Variants in TNKS1BP1 observed in about 807,000 individuals in gnomAD.
TNKS1BP1 encodes CCR4-NOT transcription complex subunit 12.
A neutral mutation model predicts 141.1 loss-of-function variants in TNKS1BP1; 48 were observed. That is an observed-to-expected ratio of 0.34 (90% CI 0.27 to 0.43). The LOEUF is 0.43. TNKS1BP1 is among the 20% of genes least tolerant of loss of function. TNKS1BP1 has a pLI of 1.00. For synonymous variants in TNKS1BP1, 875 were observed against 898.2 expected, an observed-to-expected ratio of 0.97 and a Z score of 0.46; for missense variants, 2,149 against 2,226.0, an observed-to-expected ratio of 0.97 and a Z score of 0.70.
rs367627866 is a variant in TNKS1BP1 at position 57,308,780 on chromosome 11, A to C, written c.3931T>G (p.Trp1311Gly). The C allele has an allele frequency of 6.2e-7, 1 of 1,613,940 alleles. No individual in the cohort carries two copies. Among genetic ancestry groups the C allele is most frequent in the East Asian group, 2.2e-5 (1 of 44,874 alleles). ...SKELGVGQMD[W>G]GNNLGLRDLE... is the part of the protein sequence containing the mutation. ...TCCCTCAGGCCCAGATTGTTACCCC[A>C]GTCCATCTGGCCCACCCCAAGCTCT... The change falls in exon 6 of 12, where the codon TGG (tryptophan) becomes GGG (glycine). Residue 1311 changes from tryptophan to glycine, a missense_variant. Physicochemically the swap from Trp to Gly is radical, Grantham distance 184. Coordinates refer to ENST00000358252, the MANE Select transcript of TNKS1BP1 (RefSeq NM_033396.3).
intron 1 of TNKS1BP1, among the ~76,000 whole-genome samples, chr11:57,323,097 TAG>T (rs1185430225): frequency 1.3e-5 from 2 of 152,164 alleles, no homozygotes; most frequent in Admixed American, 1.3e-4. Flanking sequence ...GTACATGAAA[TAG>T]GCTTAGCACA....
intron 6 of TNKS1BP1, among the ~76,000 whole-genome samples, chr11:57,306,896 G>C (rs1437126914): frequency 7.9e-6 from 1 of 127,376 alleles, no homozygotes; most frequent in African/African-American, 2.8e-5. Flanking sequence ...GCAGAGAGCT[G>C]TGGTGGTGGG....
chr11:57,324,841 C>T lies in TNKS1BP1; in HGVS notation c.-67G>A. The T allele has an allele frequency of 1.0e-6, 1 of 985,664 alleles. No individual in the cohort carries two copies. The highest frequency in any genetic ancestry group is 1.2e-6 in the Non-Finnish European group (1 of 829,846). 61.1% of individuals were successfully genotyped at this position (985,664 alleles called of 1,614,324 possible). ...GCCCGACCGCCCCCGCGCACTCACGCGCTCGCCCGGGGTCCGGCTCCGCTC... is the reference window on the plus strand; with the variant it reads ...GCCCGACCGCCCCCGCGCACTCACGTGCTCGCCCGGGGTCCGGCTCCGCTC... On this transcript the variant is annotated splice_region_variant and 5_prime_UTR_variant, in exon 1 of 12. Transcript: ENST00000358252.
chr11:57,306,798 T>G (rs1855618100), intron 6 of TNKS1BP1, among the ~76,000 whole-genome samples: 1 of 149,054 alleles, frequency 6.7e-6, no homozygotes, highest in African/African-American at 2.5e-5. Flanking sequence ...CCCATCACAA[T>G]CCCCGCCCCA....
chr11:57,303,972 T>C (rs1411688289), intron 6 of TNKS1BP1, among the ~76,000 whole-genome samples: 1 of 152,096 alleles, frequency 6.6e-6, no homozygotes, highest in African/African-American at 2.4e-5. Flanking sequence ...CTCCCCAAAA[T>C]GACACATTCA....
rs184197422 is a variant in TNKS1BP1, at chr11:57,311,460, G to A, written c.2155-904C>T. On this transcript the variant is annotated intron_variant, in intron 5 of 11. Coordinates refer to ENST00000358252, the MANE Select transcript of TNKS1BP1 (RefSeq NM_033396.3). ...CTACCCGCGCTGGGACCTGTCCGAC[G>A]GCTCTGGCGCTGGCTCTCCCTCACC... is the stretch of plus-strand genomic sequence containing the variant. 258 of 985,792 alleles carry A rather than the reference G, an allele frequency of 2.6e-4. No homozygotes were observed. The African/African-American group carries it at 3.8e-3, about 14-fold the overall frequency. The allele number at this position is 985,792 out of a possible 1,614,324, so 61.1% of individuals were successfully genotyped here.
intron 5 of TNKS1BP1, chr11:57,311,576 C>CT (rs1350540447): frequency 9.6e-6 from 5 of 520,074 alleles, no homozygotes; most frequent in African/African-American, 2.1e-5. Flanking sequence ...GACACACCTA[C>CT]TACAGGAGTC....
intron 6 of TNKS1BP1, among the ~76,000 whole-genome samples, chr11:57,304,624 C>G (rs1855579207): frequency 6.6e-6 from 1 of 152,178 alleles, no homozygotes; most frequent in Non-Finnish European, 1.5e-5. Flanking sequence ...AATCCCAGCA[C>G]TTTGGGAGGC....
rs775918932 is a variant in TNKS1BP1, at chr11:57,309,420, C to T, written c.3291G>A (p.Gln1097=). 2 of 1,614,156 alleles carry T rather than the reference C, an allele frequency of 1.2e-6. No individual in the cohort carries two copies. Among genetic ancestry groups the T allele is most frequent in the South Asian group, 2.2e-5 (2 of 91,082 alleles). ...VGEFSLSVGP[Q]REAAFSPGQQ... ...GCCCTGGGCTAAATGCTGCCTCTCG[C>T]TGGGGGCCAACACTGAGGCTAAACT... The change falls in exon 6 of 12, where the codon CAG becomes CAA. Residue 1097 remains glutamine, a synonymous_variant. Transcript: ENST00000358252. The surrounding 1 kb of genome is among the most constrained non-coding windows in gnomAD (Gnocchi z 4.3).
Position 57,309,537 on chromosome 11 carries a change from T to A in TNKS1BP1, c.3174A>T (p.Gly1058=). The A allele has an allele frequency of 6.2e-7, 1 of 1,613,518 alleles. No individual in the cohort carries two copies. Among genetic ancestry groups the A allele is most frequent in the Non-Finnish European group, 8.5e-7 (1 of 1,180,022 alleles). Residue 1058 remains glycine, a synonymous_variant, in exon 6 of 12, where the codon GGA becomes GGT. Coordinates refer to ENST00000358252, the MANE Select transcript of TNKS1BP1 (RefSeq NM_033396.3). The surrounding 1 kb of genome is among the most constrained non-coding windows in gnomAD (Gnocchi z 4.3). ...WQNSDASQEV[G]GHQERQQAGA... ...CTGCCTGCTGTCTCTCCTGATGCCC[T>A]CCCACCTCCTGGCTAGCATCACTGT...
intron 1 of TNKS1BP1, 143 bp from the exon 2 acceptor site, chr11:57,322,093 G>T: frequency 9.8e-7 from 1 of 1,023,928 alleles, no homozygotes; most frequent in South Asian, 1.8e-5. Flanking sequence ...GGTAGGAGGA[G>T]GTCAAGGGAG....
At chr11:57,311,518 T>G in intron 5 of TNKS1BP1, 2 of 971,240 alleles carry the variant, frequency 2.1e-6, no homozygotes, top group Non-Finnish European at 2.4e-6. Flanking sequence ...AGCTGCAGCT[T>G]GGGCAGCCCC....
At position 57,303,030 on chromosome 11, in the gene TNKS1BP1, C is replaced by A. The variant is rs532942566; in HGVS notation, c.4317-205G>T. ...CTGAGCCAGTCTGGCAGGTTCAAAT[C>A]CCTGAGACCTCGGGTGAGCCCCCTC... On this transcript the variant is annotated intron_variant, in intron 6 of 11. Coordinates refer to ENST00000358252, the MANE Select transcript of TNKS1BP1 (RefSeq NM_033396.3). 2.1e-5 allele frequency: 11 copies of A among 532,200 alleles called. 1 individual carries two copies. In the Admixed American group the frequency reaches 2.2e-4, roughly 11 times the overall value. The allele number at this position is 532,200 out of a possible 1,614,324, so 33.0% of individuals were successfully genotyped here. A position where few individuals can be genotyped will look rare whatever the true frequency, so the allele number is the denominator to read the frequency against.
At chr11:57,314,285 T>C (rs1176584552) in intron 4 of TNKS1BP1, among the ~76,000 whole-genome samples, 2 of 152,136 alleles carry the variant, frequency 1.3e-5, no homozygotes, top group Non-Finnish European at 2.9e-5. Flanking sequence ...CACCTCAGCA[T>C]GTGGGAGTCG....
chr11:57,317,357 G>C lies in TNKS1BP1; in HGVS notation c.798+461C>G, dbSNP rs116023026. ...CAGCAAAAGGACTCACCCCTCTTCT[G>C]AACTCAGAAAAGGCAGCCCAGCCAG... On this transcript the variant is annotated intron_variant, in intron 4 of 11. Coordinates refer to ENST00000358252, the MANE Select transcript of TNKS1BP1 (RefSeq NM_033396.3). 3.3e-3 allele frequency among the ~76,000 whole-genome samples: 501 copies of C among 152,344 alleles called. 1 individual carries two copies. The highest frequency in any genetic ancestry group is 0.012 in the African/African-American group (483 of 41,580).
At chr11:57,320,023 T>TCCCCCCC in intron 3 of TNKS1BP1, 56 bp downstream of exon 3, 1 of 641,916 alleles carries the variant, frequency 1.6e-6, no homozygotes. Context: ...CCCCACCCAA[T>TCCCCCCC]CCCACCCCAC....
chr11:57,322,182 A>C (rs1855899116), intron 1 of TNKS1BP1: 1 of 1,084,164 alleles, frequency 9.2e-7, no homozygotes, highest in Non-Finnish European at 1.2e-6. Context: ...CTAGCGCTTC[A>C]GGGAGTCACT....
Position 57,309,298 on chromosome 11 carries a change from C to T in TNKS1BP1, c.3413G>A (p.Ser1138Asn). 1 of 1,614,168 alleles carries T rather than the reference C, an allele frequency of 6.2e-7. No homozygotes were observed. The highest frequency in any genetic ancestry group is 1.7e-5 in the Admixed American group (1 of 60,032). The change falls in exon 6 of 12, where the codon AGC (serine) becomes AAC (asparagine). Residue 1138 changes from serine to asparagine, a missense_variant. Transcript: ENST00000358252. This position sits in a 1 kb window ranked among gnomAD's most constrained non-coding sequence, Gnocchi z 4.3. ...GNDRVSGAGFSPSSKMEGGHF... is the reference protein window; with the variant it reads ...GNDRVSGAGFNPSSKMEGGHF... ...ACCACCTTCCATCTTGCTAGAAGGG[C>T]TAAAGCCAGCACCACTCACTCTGTC...
intron 1 of TNKS1BP1, 109 bp from the exon 2 acceptor site, chr11:57,322,059 G>T: frequency 1.1e-5 from 5 of 451,942 alleles, no homozygotes; most frequent in East Asian, 1.0e-4. Flanking sequence ...GACAGGAAGA[G>T]AGAACTTGGA....
Sources: gnomAD v4.1 joint callset for allele counts (sites outside exome capture counted in the v4.1 genomes callset) on GRCh38, gnomAD v4.1.1 for gene constraint, Gnocchi (gnomAD v3.1) non-coding constraint, MANE v1.5 for transcripts, NCBI Gene and HGNC (gene_info 2026-07-23, HGNC 2026-07-21) for gene names.